Variants in INPP5F observed in about 807,000 individuals in gnomAD.
INPP5F encodes the protein inositol polyphosphate-5-phosphatase F.
Under a neutral mutation model 137.2 loss-of-function variants are expected in INPP5F, and 97 were observed. The observed-to-expected ratio is 0.71, with a 90% CI of 0.60 to 0.84. The LOEUF is 0.84. Among genes scored for constraint, INPP5F ranks in the 40% least tolerant of loss-of-function variants. The probability of loss-of-function intolerance (pLI) is 0.00; values close to 1 mark genes in which losing one functional copy is unlikely to be tolerated. For missense variants in INPP5F, 1,271 were observed against 1,371.9 expected (o/e 0.93, Z 1.16); for synonymous variants, 504 against 476.9 (o/e 1.06, Z -0.74).
chr10:119,819,551 C>T (rs749202886), intron 15 of INPP5F: 27 of 1,588,742 alleles, frequency 1.7e-5, no homozygotes, highest in African/African-American at 6.7e-5. Context: ...TAAGTATCAA[C>T]GCGTAAAACT....
chr10:119,809,414 G>A (rs1290858072), intron 13 of INPP5F, among the ~76,000 whole-genome samples: 2 of 152,014 alleles, frequency 1.3e-5, no homozygotes, highest in Non-Finnish European at 2.9e-5. Flanking sequence ...CTAAATTGTC[G>A]GTTTTTGGAC....
At chr10:119,739,656 G>T (rs1848317658) in intron 1 of INPP5F, among the ~76,000 whole-genome samples, 2 of 152,012 alleles carry the variant, frequency 1.3e-5, no homozygotes, top group Non-Finnish European at 2.9e-5. Flanking sequence ...TTGAGATAGG[G>T]TCTTCATTTG....
At chr10:119,796,990 A>G in intron 7 of INPP5F, 77 bp downstream of exon 7, 1 of 1,300,916 alleles carries the variant, frequency 7.7e-7, no homozygotes, top group Admixed American at 1.9e-5. Flanking sequence ...TGAAATGCTA[A>G]TGACAATAAT....
chr10:119,733,331 G>A (rs749957825), intron 1 of INPP5F, among the ~76,000 whole-genome samples: 16 of 152,302 alleles, frequency 1.1e-4, no homozygotes, highest in Non-Finnish European at 1.9e-4. Context: ...TTGACTAGTA[G>A]TAGTTTTTCC....
chr10:119,813,657 C>CA (rs905656670), intron 15 of INPP5F, among the ~76,000 whole-genome samples: 2 of 151,840 alleles, frequency 1.3e-5, no homozygotes, highest in African/African-American at 4.8e-5. Context: ...CAAAAAAACT[C>CA]AAAAAAACAC....
intron 1 of INPP5F, among the ~76,000 whole-genome samples, chr10:119,746,673 T>C (rs1213520835): frequency 6.6e-6 from 1 of 152,154 alleles, no homozygotes; most frequent in Non-Finnish European, 1.5e-5. Context: ...TGTCAAAGAG[T>C]TGAAGTCCTT....
intron 2 of INPP5F, among the ~76,000 whole-genome samples, chr10:119,767,454 A>G: frequency 6.6e-6 from 1 of 152,328 alleles, no homozygotes; most frequent in Non-Finnish European, 1.5e-5. Flanking sequence ...TAAAAAGCTC[A>G]TAAAGGAGAA....
chr10:119,758,071 G>C (rs1432147858), intron 2 of INPP5F, among the ~76,000 whole-genome samples: 1 of 152,188 alleles, frequency 6.6e-6, no homozygotes, highest in African/African-American at 2.4e-5. Flanking sequence ...AACAAGCTGG[G>C]GCTGCAGGTC....
At chr10:119,767,361 G>A (rs1356407329) in intron 2 of INPP5F, among the ~76,000 whole-genome samples, 1 of 152,058 alleles carries the variant, frequency 6.6e-6, no homozygotes, top group African/African-American at 2.4e-5. Context: ...AGCTGGAAAA[G>A]TACAAATTTA....
At chr10:119,742,852 C>T (rs549853401) in intron 1 of INPP5F, among the ~76,000 whole-genome samples, 4 of 152,196 alleles carry the variant, frequency 2.6e-5, no homozygotes, top group African/African-American at 9.6e-5. Flanking sequence ...ATTAGCCCGG[C>T]GTGGTGGCAC....
chr10:119,755,111 C>T (rs572077597), intron 2 of INPP5F, among the ~76,000 whole-genome samples: 4 of 152,288 alleles, frequency 2.6e-5, no homozygotes, highest in African/African-American at 7.2e-5. Context: ...TGAGCAATGC[C>T]GCTGTTCCTG....
rs993097380 is a variant in INPP5F, at chr10:119,827,230, C to T, written c.2849C>T (p.Thr950Ile). 1.7e-5 allele frequency: 27 copies of T among 1,614,008 alleles called. No individual in the cohort carries two copies. Among genetic ancestry groups the T allele is most frequent in the Non-Finnish European group, 2.2e-5 (26 of 1,180,022 alleles). Residue 950 changes from threonine to isoleucine, a missense_variant, in exon 20 of 20, where the codon ACT (threonine) becomes ATT (isoleucine). By Grantham distance (89) the Thr-to-Ile change is moderately conservative. This residue lies in a region of INPP5F where 490 missense variants were observed against 443.7 expected (regional missense o/e 1.10). Transcript: ENST00000650623. ...SPSAGDVHILTGFAKPMDIYC... is the reference protein window; with the variant it reads ...SPSAGDVHILIGFAKPMDIYC... ...TCTGCTGGCGACGTACACATATTGA[C>T]TGGCTTTGCCAAGCCTATGGATATT...
chr10:119,780,718 G>C (rs1849673012), intron 2 of INPP5F, among the ~76,000 whole-genome samples: 1 of 152,198 alleles, frequency 6.6e-6, no homozygotes, highest in Admixed American at 6.5e-5. Context: ...GGTTGCATCT[G>C]TACTGGACAT....
chr10:119,726,229 CG>C lies in INPP5F; in HGVS notation c.-31del. ...ACTAGGACGCCCCGTGCGCCGCCCG[CG>C]GGCCGCCGCCTCCCTGGGCGCGCGG... On this transcript the variant is annotated 5_prime_UTR_variant, in exon 1 of 20. Coordinates refer to ENST00000650623, the MANE Select transcript of INPP5F (RefSeq NM_014937.4). 7.2e-7 allele frequency: 1 copy of C among 1,380,262 alleles called. No individual in the cohort carries two copies. The highest frequency in any genetic ancestry group is 9.5e-7 in the Non-Finnish European group (1 of 1,051,096). 85.5% of individuals were successfully genotyped at this position (1,380,262 alleles called of 1,614,324 possible). A position where few individuals can be genotyped will look rare whatever the true frequency, so the allele number is the denominator to read the frequency against.
intron 19 of INPP5F, 50 bp from the exon 20 acceptor site, chr10:119,826,581 G>A: frequency 7.4e-7 from 1 of 1,360,220 alleles, no homozygotes; most frequent in Non-Finnish European, 1.0e-6. Context: ...ACTGGAACTG[G>A]CATATTGGAT....
chr10:119,808,393 C>G (rs890054253), intron 13 of INPP5F, among the ~76,000 whole-genome samples: 6 of 152,324 alleles, frequency 3.9e-5, no homozygotes, highest in Middle Eastern at 3.4e-3. Context: ...CAGAGCATGT[C>G]TGCTGGCAGG....
chr10:119,737,714 T>C (rs1301740624), intron 1 of INPP5F, among the ~76,000 whole-genome samples: 1 of 152,256 alleles, frequency 6.6e-6, no homozygotes, highest in African/African-American at 2.4e-5. Context: ...AAATTATTCC[T>C]TACCCAATTC....
intron 2 of INPP5F, among the ~76,000 whole-genome samples, chr10:119,774,987 T>C (rs1003563047): frequency 3.7e-5 from 4 of 109,314 alleles, no homozygotes; most frequent in Admixed American, 8.6e-5. Context: ...GTCTAACACA[T>C]AGATCAAAAA....
At chr10:119,817,424 G>A (rs1473713712) in intron 15 of INPP5F, among the ~76,000 whole-genome samples, 4 of 152,198 alleles carry the variant, frequency 2.6e-5, no homozygotes, top group Non-Finnish European at 4.4e-5. Flanking sequence ...TGGCCACGCC[G>A]TTTTACGTTT....
Sources: gnomAD v4.1 joint callset for allele counts (sites outside exome capture counted in the v4.1 genomes callset) on GRCh38, gnomAD v4.1.1 for gene constraint, gnomAD v4.1.1 regional missense constraint, MANE v1.5 for transcripts, NCBI Gene and HGNC (gene_info 2026-07-23, HGNC 2026-07-21) for gene names.